Variants in PRKN observed in about 807,000 individuals in gnomAD.
PRKN encodes parkin RBR E3 ubiquitin protein ligase.
A neutral mutation model predicts 59.5 loss-of-function variants in PRKN; 56 were observed. That is an observed-to-expected ratio of 0.94 (90% CI 0.76 to 1.18). The LOEUF (loss-of-function observed/expected upper bound fraction) is 1.18, where lower values mean the gene tolerates loss of function less well. Among genes scored for constraint, PRKN ranks in the 50% most tolerant of loss-of-function variants. The probability of loss-of-function intolerance (pLI) is 0.00; values close to 1 mark genes in which losing one functional copy is unlikely to be tolerated. For missense variants in PRKN, 657 were observed against 596.4 expected (o/e 1.10, Z -1.06); for synonymous variants, 250 against 222.1 (o/e 1.13, Z -1.12).
chr6:161,414,712 A>G lies in PRKN; in HGVS notation c.1084-27835T>C, dbSNP rs1230396870. On this transcript the variant is annotated intron_variant, in intron 9 of 11. Transcript: ENST00000366898. This position sits in a 1 kb window ranked among gnomAD's most constrained non-coding sequence, Gnocchi z 5.3. ...TGAGTAAGGTCATCTTTTCCTGATG[A>G]AGCCCCAAAGTGCAAAAGGCATGAA... is the stretch of plus-strand genomic sequence containing the variant. Among the ~76,000 whole-genome samples, 1 of 152,130 alleles carries G rather than the reference A, an allele frequency of 6.6e-6. No homozygotes were observed. Among genetic ancestry groups the G allele is most frequent in the Non-Finnish European group, 1.5e-5 (1 of 68,030 alleles).
chr6:161,818,060 A>T (rs1223852465), intron 6 of PRKN, among the ~76,000 whole-genome samples: 1 of 152,206 alleles, frequency 6.6e-6, no homozygotes, highest in Non-Finnish European at 1.5e-5. Context: ...ACAGACATGC[A>T]TTTTATTACT....
At chr6:161,748,714 G>A (rs940083925) in intron 7 of PRKN, among the ~76,000 whole-genome samples, 1 of 152,150 alleles carries the variant, frequency 6.6e-6, no homozygotes, top group Non-Finnish European at 1.5e-5. Context: ...GTGAGAAGGG[G>A]CACTTGGGAA....
chr6:161,414,299 G>A lies in PRKN; in HGVS notation c.1084-27422C>T, dbSNP rs1020884171. On this transcript the variant is annotated intron_variant, in intron 9 of 11. Coordinates refer to ENST00000366898, the MANE Select transcript of PRKN (RefSeq NM_004562.3). The surrounding 1 kb of genome is among the most constrained non-coding windows in gnomAD (Gnocchi z 5.3). ...AGGGTGTTCAGCGTTGTTTGTCACA[G>A]GCAGCGGCCAGTCTCTGTGTTCTCG... Among the ~76,000 whole-genome samples the A allele has an allele frequency of 6.6e-6, 1 of 152,164 alleles. No homozygotes were observed. Among genetic ancestry groups the A allele is most frequent in the African/African-American group, 2.4e-5 (1 of 41,422 alleles).
chr6:162,089,666 C>T (rs1226766373), intron 4 of PRKN, among the ~76,000 whole-genome samples: 2 of 152,040 alleles, frequency 1.3e-5, no homozygotes, highest in Non-Finnish European at 2.9e-5. Context: ...AATACATAAA[C>T]AAAATGCAGT....
chr6:161,362,109 A>C lies in PRKN; in HGVS notation c.1168-1904T>G, dbSNP rs1398574148. On this transcript the variant is annotated intron_variant, in intron 10 of 11. Coordinates refer to ENST00000366898, the MANE Select transcript of PRKN (RefSeq NM_004562.3). This position sits in a 1 kb window ranked among gnomAD's most constrained non-coding sequence, Gnocchi z 5.2. ...GTTGGTAAGTCATACAAATTGGAGA[A>C]AAATACAATTTTACTTATCAGAAAA... is the stretch of plus-strand genomic sequence containing the variant. Among the ~76,000 whole-genome samples the C allele has an allele frequency of 6.6e-6, 1 of 152,228 alleles. No individual in the cohort carries two copies. Among genetic ancestry groups the C allele is most frequent in the Non-Finnish European group, 1.5e-5 (1 of 68,038 alleles).
intron 4 of PRKN, among the ~76,000 whole-genome samples, chr6:162,134,220 A>G (rs768606118): frequency 6.6e-6 from 1 of 152,204 alleles, no homozygotes; most frequent in Non-Finnish European, 1.5e-5. Flanking sequence ...TGAACACTAC[A>G]GTGGAAGCTT....
At chr6:162,682,801 G>T (rs1303387771) in intron 1 of PRKN, among the ~76,000 whole-genome samples, 1 of 151,452 alleles carries the variant, frequency 6.6e-6, no homozygotes, top group Admixed American at 6.6e-5. Context: ...AATTAAAAAA[G>T]AAGAAAAAAA....
At chr6:162,147,344 GAAAAA>G (rs767653516) in intron 4 of PRKN, among the ~76,000 whole-genome samples, 20 of 42,060 alleles carry the variant, frequency 4.8e-4, no homozygotes, top group African/African-American at 1.5e-3. Flanking sequence ...CTCTGTCTCA[GAAAAA>G]AAAAAAAAAA....
intron 6 of PRKN, among the ~76,000 whole-genome samples, chr6:161,877,515 A>G (rs1425144949): frequency 6.7e-6 from 1 of 149,026 alleles, no homozygotes; most frequent in Non-Finnish European, 1.5e-5. Flanking sequence ...GCTGGAGTGC[A>G]GTGGCGCGAT....
chr6:162,055,449 C>T (rs867086516), intron 4 of PRKN, among the ~76,000 whole-genome samples: 1 of 152,242 alleles, frequency 6.6e-6, no homozygotes, highest in African/African-American at 2.4e-5. Context: ...TCTGTGAGGG[C>T]TCAGGGTTCA....
intron 1 of PRKN, among the ~76,000 whole-genome samples, chr6:162,450,127 T>C (rs6913878): frequency 0.65 from 98,104 of 152,036 alleles, 33,616 homozygotes; most frequent in African/African-American, 0.89. Flanking sequence ...TTTCTATCTA[T>C]CCACGTCTCT....
At position 161,410,904 on chromosome 6, in the gene PRKN, G is replaced by A. The variant is rs1438531232; in HGVS notation, c.1084-24027C>T. Among the ~76,000 whole-genome samples, 4 of 152,136 alleles carry A rather than the reference G, an allele frequency of 2.6e-5. No individual in the cohort carries two copies. Among genetic ancestry groups the A allele is most frequent in the African/African-American group, 4.8e-5 (2 of 41,414 alleles). The stretch of plus-strand genomic sequence containing the variant: ...ATAAGAATAACAGAAAGGGCCACTC[G>A]ATGGTTTGATCATGTTTACAAAATC... On this transcript the variant is annotated intron_variant, in intron 9 of 11. Coordinates refer to ENST00000366898, the MANE Select transcript of PRKN (RefSeq NM_004562.3). This position sits in a 1 kb window ranked among gnomAD's most constrained non-coding sequence, Gnocchi z 5.3.
At chr6:162,687,186 T>G (rs777668764) in intron 1 of PRKN, among the ~76,000 whole-genome samples, 1 of 137,598 alleles carries the variant, frequency 7.3e-6, no homozygotes, top group Non-Finnish European at 1.5e-5. Flanking sequence ...GAGCCTCTTT[T>G]TCTTTTTTTT....
In PRKN at chr6:161,855,894, A is replaced by C. The variant is rs572575990; in HGVS notation, c.735-69986T>G. 2.0e-5 allele frequency among the ~76,000 whole-genome samples: 3 copies of C among 152,336 alleles called. No individual in the cohort carries two copies. In the East Asian group the frequency reaches 5.8e-4, roughly 29 times the overall value. ...AGTGTACAGTTAAAAAAGCAGAATC[A>C]AGCAGGGTTCATCCCAAGGATTTAA... On this transcript the variant is annotated intron_variant, in intron 6 of 11. Coordinates refer to ENST00000366898, the MANE Select transcript of PRKN (RefSeq NM_004562.3).
chr6:161,672,991 G>A (rs529364273), intron 7 of PRKN, among the ~76,000 whole-genome samples: 16 of 152,160 alleles, frequency 1.1e-4, no homozygotes, highest in Admixed American at 8.5e-4. Flanking sequence ...AAAGGATCTC[G>A]GCCAGCACTG....
intron 1 of PRKN, among the ~76,000 whole-genome samples, chr6:162,474,015 T>C (rs2128179458): frequency 6.6e-6 from 1 of 152,310 alleles, no homozygotes; most frequent in African/African-American, 2.4e-5. Flanking sequence ...TTAAATTTAA[T>C]TAGAATGTAA....
intron 7 of PRKN, among the ~76,000 whole-genome samples, chr6:161,600,048 A>G (rs1316333811): frequency 6.6e-6 from 1 of 152,172 alleles, no homozygotes; most frequent in Non-Finnish European, 1.5e-5. Context: ...TTAACATTCA[A>G]TTAATGATAT....
intron 3 of PRKN, among the ~76,000 whole-genome samples, chr6:162,210,699 C>T (rs969026237): frequency 6.6e-6 from 1 of 151,992 alleles, no homozygotes; most frequent in South Asian, 2.1e-4. Context: ...ATATTTGTTT[C>T]TGTGAATCAC....
intron 3 of PRKN, among the ~76,000 whole-genome samples, chr6:162,249,911 G>A (rs1385750259): frequency 1.3e-5 from 2 of 152,102 alleles, no homozygotes; most frequent in Non-Finnish European, 1.5e-5. Flanking sequence ...TTGGGAGGCC[G>A]AGGCAGAGGG....
Sources: allele counts gnomAD v4.1 joint callset (sites outside exome capture counted in the v4.1 genomes callset), GRCh38; gene constraint gnomAD v4.1.1; non-coding constraint Gnocchi (gnomAD v3.1); transcripts MANE v1.5; gene names NCBI Gene and HGNC (gene_info 2026-07-23, HGNC 2026-07-21).